Variants in CDH4 observed in about 807,000 individuals in gnomAD.
The protein encoded by CDH4 is cadherin-4.
Under a neutral mutation model 86.0 loss-of-function variants are expected in CDH4, and 33 were observed. The observed-to-expected ratio is 0.38, with a 90% CI of 0.29 to 0.51. The LOEUF (loss-of-function observed/expected upper bound fraction) is 0.51, where lower values mean the gene tolerates loss of function less well. Ranked by LOEUF, CDH4 falls within the 20% of genes least tolerant of loss-of-function variation. The pLI is 0.86. For synonymous variants in CDH4, 555 were observed against 549.4 expected, an observed-to-expected ratio of 1.01 and a Z score of -0.14; for missense variants, 1,114 against 1,307.4, an observed-to-expected ratio of 0.85 and a Z score of 2.28.
At chr20:61,736,947 G>A (rs969429586) in intron 2 of CDH4, among the ~76,000 whole-genome samples, 4 of 152,174 alleles carry the variant, frequency 2.6e-5, no homozygotes, top group Admixed American at 6.5e-5. Flanking sequence ...AGGGGAGACC[G>A]GACCACCCTC....
Position 61,873,811 on chromosome 20 carries a change from C to G in CDH4, c.961C>G (p.Gln321Glu), listed in dbSNP as rs1474075766. The change falls in exon 7 of 16, where the codon CAG (glutamine) becomes GAG (glutamate). Residue 321 changes from glutamine (Q) to glutamate (E), a missense_variant. By Grantham distance (29) the Gln-to-Glu change is conservative (BLOSUM62 2). Transcript: ENST00000614565. ...NGMVRYRIVT[Q>E]TPQSPSQNMF... ...GATGGTGCGGTACCGGATCGTGACC[C>G]AGACCCCACAGAGCCCGTCCCAGAA... The G allele has an allele frequency of 3.1e-6, 5 of 1,614,080 alleles. No homozygotes were observed. The highest frequency in any genetic ancestry group is 4.2e-6 in the Non-Finnish European group (5 of 1,180,016).
At chr20:61,422,963 TA>T (rs1312739748) in intron 2 of CDH4, among the ~76,000 whole-genome samples, 1 of 152,184 alleles carries the variant, frequency 6.6e-6, no homozygotes, top group African/African-American at 2.4e-5. Flanking sequence ...TTATTGGGCT[TA>T]AAACCTTACA....
At chr20:61,646,882 G>A (rs562059669) in intron 2 of CDH4, among the ~76,000 whole-genome samples, 3 of 152,334 alleles carry the variant, frequency 2.0e-5, no homozygotes, top group South Asian at 4.1e-4. Context: ...TGATTCCAGT[G>A]TACTGGAATA....
At chr20:61,390,387 G>A (rs2084976333) in intron 2 of CDH4, among the ~76,000 whole-genome samples, 1 of 120,322 alleles carries the variant, frequency 8.3e-6, no homozygotes, top group Non-Finnish European at 1.7e-5. Context: ...TGCCCATAGT[G>A]CCGTGTCTGG....
chr20:61,833,085 C>A (rs1156903142), intron 4 of CDH4, among the ~76,000 whole-genome samples: 1 of 152,066 alleles, frequency 6.6e-6, no homozygotes, highest in Non-Finnish European at 1.5e-5. Context: ...ATGGACTGAG[C>A]ACGGTACTCA....
intron 2 of CDH4, among the ~76,000 whole-genome samples, chr20:61,584,481 T>C (rs1169227415): frequency 6.6e-6 from 1 of 152,076 alleles, no homozygotes; most frequent in Non-Finnish European, 1.5e-5. Flanking sequence ...AATTGACCTG[T>C]GGCTGCTTTC....
intron 7 of CDH4, among the ~76,000 whole-genome samples, chr20:61,883,238 T>C (rs1286875287): frequency 6.6e-6 from 1 of 152,014 alleles, no homozygotes; most frequent in Non-Finnish European, 1.5e-5. Flanking sequence ...TTTAATGTAG[T>C]GCACTGAGTG....
chr20:61,275,439 GTGTGCAGTTTGGGGGAGTA>G (rs2084224879), intron 2 of CDH4, among the ~76,000 whole-genome samples: 1 of 114,354 alleles, frequency 8.7e-6, no homozygotes, highest in Non-Finnish European at 1.8e-5. Context: ...GGGGAGTACC[GTGTGCAGTTTGGGGGAGTA>G]CCGTGCACAG....
chr20:61,389,588 G>T (rs2084969834), intron 2 of CDH4, among the ~76,000 whole-genome samples: 1 of 152,206 alleles, frequency 6.6e-6, no homozygotes. Flanking sequence ...AAAAGACTGG[G>T]AGAACGCCTC....
intron 3 of CDH4, among the ~76,000 whole-genome samples, chr20:61,757,565 G>A (rs2088580925): frequency 1.3e-5 from 2 of 152,240 alleles, no homozygotes; most frequent in Admixed American, 1.3e-4. Context: ...CCCCTAGGGA[G>A]CAAAATCTGA....
Position 61,609,524 on chromosome 20 carries a change from T to C in CDH4, c.170-134039T>C, listed in dbSNP as rs183454143. Among the ~76,000 whole-genome samples the C allele has an allele frequency of 2.8e-3, 423 of 152,248 alleles. 3 individuals are homozygous for C. The highest frequency in any genetic ancestry group is 0.014 in the Admixed American group (217 of 15,300). ...TGAAACAAATTCCAAAAGAAGTGCA[T>C]GGGGTGGCCCTCCCCTGAGGGAGGG... On this transcript the variant is annotated intron_variant, in intron 2 of 15. Coordinates refer to ENST00000614565, the MANE Select transcript of CDH4 (RefSeq NM_001794.5).
intron 6 of CDH4, among the ~76,000 whole-genome samples, chr20:61,864,018 T>C (rs921832495): frequency 6.6e-6 from 1 of 152,222 alleles, no homozygotes; most frequent in Non-Finnish European, 1.5e-5. Context: ...TATTCAAAAA[T>C]AGTTCTTTGC....
chr20:61,879,076 G>A lies in CDH4; in HGVS notation c.1050+5176G>A, dbSNP rs1449353840. Reference sequence around the variant, plus strand: ...AACAACAACAGGTTTTAAGACAACGGCTCCAGGACCACCGTTGCCAGGCAT... The same window carrying A: ...AACAACAACAGGTTTTAAGACAACGACTCCAGGACCACCGTTGCCAGGCAT... On this transcript the variant is annotated intron_variant, in intron 7 of 15. Transcript: ENST00000614565. The surrounding 1 kb of genome is among the most constrained non-coding windows in gnomAD (Gnocchi z 4.1). Among the ~76,000 whole-genome samples the A allele has an allele frequency of 6.6e-6, 1 of 152,174 alleles. No homozygotes were observed. Among genetic ancestry groups the A allele is most frequent in the Non-Finnish European group, 1.5e-5 (1 of 68,038 alleles).
At chr20:61,637,203 C>T (rs2086956683) in intron 2 of CDH4, among the ~76,000 whole-genome samples, 1 of 152,236 alleles carries the variant, frequency 6.6e-6, no homozygotes, top group South Asian at 2.1e-4. Flanking sequence ...CAAGCACCCT[C>T]TCCCAGGAAA....
intron 2 of CDH4, among the ~76,000 whole-genome samples, chr20:61,559,502 CTTTT>C (rs2086200337): frequency 7.8e-6 from 1 of 128,804 alleles, no homozygotes; most frequent in South Asian, 2.6e-4. Flanking sequence ...AGTCTCCTTT[CTTTT>C]TAATTTTTTT....
chr20:61,742,236 G>T (rs1267350573), intron 2 of CDH4, among the ~76,000 whole-genome samples: 1 of 152,174 alleles, frequency 6.6e-6, no homozygotes, highest in African/African-American at 2.4e-5. Flanking sequence ...CCACCGGGGG[G>T]CTCTGGAGTC....
At chr20:61,656,242 C>T (rs1369088351) in intron 2 of CDH4, among the ~76,000 whole-genome samples, 1 of 136,814 alleles carries the variant, frequency 7.3e-6, no homozygotes, top group Admixed American at 7.7e-5. Context: ...CTGGGGTGGG[C>T]AGGCGCGTGC....
intron 2 of CDH4, among the ~76,000 whole-genome samples, chr20:61,274,138 G>T (rs73915252): frequency 7.3e-6 from 1 of 137,156 alleles, no homozygotes; most frequent in African/African-American, 2.8e-5. Context: ...AGTACCATGC[G>T]TAGTTTGGGG....
chr20:61,729,490 C>T (rs1273803416), intron 2 of CDH4, among the ~76,000 whole-genome samples: 1 of 152,220 alleles, frequency 6.6e-6, no homozygotes, highest in Non-Finnish European at 1.5e-5. Flanking sequence ...AGAAATTCCT[C>T]TCTTTATATA....
Sources: gnomAD v4.1 joint callset for allele counts (sites outside exome capture counted in the v4.1 genomes callset) on GRCh38, gnomAD v4.1.1 for gene constraint, Gnocchi (gnomAD v3.1) non-coding constraint, MANE v1.5 for transcripts, NCBI Gene and HGNC (gene_info 2026-07-23, HGNC 2026-07-21) for gene names.